Variants in TMEM161B observed in about 807,000 individuals in gnomAD.
TMEM161B encodes the protein transmembrane protein 161B.
Under a neutral mutation model 61.8 loss-of-function variants are expected in TMEM161B, and 34 were observed. That is an observed-to-expected ratio of 0.55 (90% CI 0.42 to 0.73). The LOEUF (loss-of-function observed/expected upper bound fraction) is 0.73. Ranked by LOEUF, TMEM161B falls within the 30% of genes least tolerant of loss-of-function variation. The pLI, the probability that TMEM161B is intolerant of heterozygous loss-of-function variation, is 0.00. For missense variants in TMEM161B, 456 were observed against 558.5 expected (o/e 0.82, Z 1.85); for synonymous variants, 167 against 192.8 (o/e 0.87, Z 1.11).
intron 6 of TMEM161B, 50 bp downstream of exon 6, chr5:88,206,979 T>C (rs929188324): frequency 1.3e-6 from 2 of 1,546,022 alleles, no homozygotes; most frequent in Non-Finnish European, 1.8e-6. Flanking sequence ...TCAAAAATAT[T>C]AACACTAGAT....
At chr5:88,216,263 AG>A in intron 5 of TMEM161B, among the ~76,000 whole-genome samples, 2 of 152,296 alleles carry the variant, frequency 1.3e-5, no homozygotes, top group East Asian at 3.9e-4. Context: ...AAAAAAGAAA[AG>A]GCAATATTTT....
chr5:88,225,192 C>T (rs1434178161), intron 4 of TMEM161B, among the ~76,000 whole-genome samples: 1 of 152,110 alleles, frequency 6.6e-6, no homozygotes, highest in Admixed American at 6.6e-5. Context: ...TGGTCTCGAT[C>T]TCCTGACCTC....
In TMEM161B at chr5:88,196,441, C is replaced by G. The variant is rs1325441768; in HGVS notation, c.1234G>C (p.Val412Leu). The G allele has an allele frequency of 6.2e-7, 1 of 1,612,564 alleles. No individual in the cohort carries two copies. Among genetic ancestry groups the G allele is most frequent in the African/African-American group, 1.3e-5 (1 of 74,800 alleles). Residue 412 changes from valine to leucine, a missense_variant, in exon 12 of 12, where the codon GTG becomes CTG. Coordinates refer to ENST00000296595, the MANE Select transcript of TMEM161B (RefSeq NM_153354.5). ...GAATTGGACAGTAGACTATTATCCA[C>G]TGGTAAGGTAGAGATAGATTCTGGA... is the stretch of plus-strand genomic sequence containing the variant. ...IYPESISTLP[V>L]DNSLLSNSVY...
Position 88,206,436 on chromosome 5 carries a change from T to TA in TMEM161B, c.659+2dup. 2 of 1,597,568 alleles carry TA rather than the reference T, an allele frequency of 1.3e-6. No individual in the cohort carries two copies. Among genetic ancestry groups the TA allele is most frequent in the East Asian group, 4.5e-5 (2 of 44,620 alleles). On this transcript the variant is annotated splice_region_variant and intron_variant, in intron 7 of 11. Transcript: ENST00000296595. ...AATAATGCTTAATTTTTCAAAAACT[T>TA]ACTGAGATTCTAAACCTTGCTTTTC... is the stretch of plus-strand genomic sequence containing the variant.
chr5:88,229,039 T>TA (rs1258822415), intron 2 of TMEM161B, among the ~76,000 whole-genome samples: 1 of 152,198 alleles, frequency 6.6e-6, no homozygotes, highest in East Asian at 1.9e-4. Flanking sequence ...ATCATTGTAT[T>TA]AAAAAACACT....
chr5:88,259,698 A>G (rs549588226), intron 1 of TMEM161B, among the ~76,000 whole-genome samples: 1 of 152,344 alleles, frequency 6.6e-6, no homozygotes, highest in South Asian at 2.1e-4. Flanking sequence ...ACCTAGTTAA[A>G]AATGTCAATC....
At chr5:88,203,142 G>T in intron 8 of TMEM161B, 67 bp from the exon 9 acceptor site, 1 of 956,194 alleles carries the variant, frequency 1.0e-6, no homozygotes, top group Non-Finnish European at 1.7e-6. Context: ...TACAGAAGCT[G>T]GGGTCTTACT....
chr5:88,225,549 A>G (rs1285682875), intron 4 of TMEM161B, among the ~76,000 whole-genome samples: 1 of 152,232 alleles, frequency 6.6e-6, no homozygotes, highest in Non-Finnish European at 1.5e-5. Flanking sequence ...GAAACTGTGT[A>G]ATAAATTTGT....
At chr5:88,239,401 T>C (rs1307631961) in intron 2 of TMEM161B, among the ~76,000 whole-genome samples, 1 of 151,952 alleles carries the variant, frequency 6.6e-6, no homozygotes, top group Non-Finnish European at 1.5e-5. Flanking sequence ...CTGAGACCCT[T>C]TTTACTTCAA....
At chr5:88,222,017 C>T (rs1377574055) in intron 4 of TMEM161B, among the ~76,000 whole-genome samples, 2 of 152,110 alleles carry the variant, frequency 1.3e-5, no homozygotes. Flanking sequence ...TTTCCAAAAT[C>T]CTATTATGAT....
chr5:88,237,281 A>C (rs571177761), intron 2 of TMEM161B, among the ~76,000 whole-genome samples: 97 of 152,246 alleles, frequency 6.4e-4, no homozygotes, highest in African/African-American at 2.1e-3. Context: ...ATGTGGGCAA[A>C]AATGATGTAT....
In TMEM161B at chr5:88,220,002, A is replaced by AC. The variant is rs944470959; in HGVS notation, c.446+560dup. Among the ~76,000 whole-genome samples, 45 of 151,380 alleles carry AC rather than the reference A, an allele frequency of 3.0e-4. 1 individual carries two copies. In the South Asian group the frequency reaches 6.5e-3, roughly 22 times the overall value. On this transcript the variant is annotated intron_variant, in intron 5 of 11. Transcript: ENST00000296595. The stretch of plus-strand genomic sequence containing the variant: ...GGATATTTCCATGGGAAAAAAAAAA[A>AC]CAGAAATGAAGTATCTGAACTATTG...
rs143988937 is a variant in TMEM161B, at chr5:88,253,212, A to G, written c.4-12296T>C. Among the ~76,000 whole-genome samples, 1,106 of 152,276 alleles carry G rather than the reference A, an allele frequency of 7.3e-3. 6 individuals carry two copies. Among genetic ancestry groups the G allele is most frequent in the Non-Finnish European group, 0.013 (861 of 68,016 alleles). Reference sequence around the variant, plus strand: ...AATACCATTAATTTGGCTACAATCTAGTCTACCATGGGTCCTGGAGGGAAT... The same window carrying G: ...AATACCATTAATTTGGCTACAATCTGGTCTACCATGGGTCCTGGAGGGAAT... On this transcript the variant is annotated intron_variant, in intron 1 of 11. Coordinates refer to ENST00000296595, the MANE Select transcript of TMEM161B (RefSeq NM_153354.5).
intron 5 of TMEM161B, among the ~76,000 whole-genome samples, chr5:88,215,291 C>G (rs143879602): frequency 1.4e-4 from 22 of 152,182 alleles, no homozygotes; most frequent in African/African-American, 5.1e-4. Flanking sequence ...AATAAGAAAA[C>G]AAAGAGAAGC....
intron 1 of TMEM161B, among the ~76,000 whole-genome samples, chr5:88,266,312 G>C (rs1466776750): frequency 6.6e-6 from 1 of 151,970 alleles, no homozygotes; most frequent in Non-Finnish European, 1.5e-5. Flanking sequence ...TGAAAGACTT[G>C]GCCAAATATA....
intron 2 of TMEM161B, among the ~76,000 whole-genome samples, chr5:88,228,876 TCTA>T (rs1217748169): frequency 2.0e-5 from 3 of 152,360 alleles, no homozygotes; most frequent in Admixed American, 1.3e-4. Context: ...ACATTAATTC[TCTA>T]CTAATCCCTC....
intron 4 of TMEM161B, chr5:88,221,727 T>C: frequency 4.4e-6 from 2 of 456,192 alleles, no homozygotes; most frequent in Non-Finnish European, 8.8e-6. Flanking sequence ...CAGAGTGTAG[T>C]CCAAAACATC....
At chr5:88,231,502 A>G (rs1750980403) in intron 2 of TMEM161B, among the ~76,000 whole-genome samples, 3 of 152,230 alleles carry the variant, frequency 2.0e-5, no homozygotes, top group Admixed American at 6.5e-5. Flanking sequence ...AAAAGATTTT[A>G]TGGCTTTCTT....
At chr5:88,220,760 A>C in intron 4 of TMEM161B, 41 bp from the exon 5 acceptor site, 2 of 1,507,386 alleles carry the variant, frequency 1.3e-6, no homozygotes, top group African/African-American at 1.4e-5. Flanking sequence ...AAGGTCAAAA[A>C]AAACAGTTTC....
Sources: gnomAD v4.1 joint callset for allele counts (sites outside exome capture counted in the v4.1 genomes callset) on GRCh38, gnomAD v4.1.1 for gene constraint, MANE v1.5 for transcripts, NCBI Gene and HGNC (gene_info 2026-07-23, HGNC 2026-07-21) for gene names.